TMEM132D: variants seen among roughly 807,000 people sequenced by gnomAD.
The protein encoded by TMEM132D is mature OL transmembrane protein.
Under a neutral mutation model 62.3 loss-of-function variants are expected in TMEM132D, and 21 were observed. That is an observed-to-expected ratio of 0.34 (90% CI 0.24 to 0.49). The LOEUF (loss-of-function observed/expected upper bound fraction) is 0.49, where lower values mean the gene tolerates loss of function less well. TMEM132D is among the 20% of genes least tolerant of loss of function. TMEM132D has a pLI of 0.99. For missense variants in TMEM132D, 1,346 were observed against 1,402.8 expected (o/e 0.96, Z 0.65); for synonymous variants, 621 against 575.6 (o/e 1.08, Z -1.13).
chr12:129,573,671 T>C (rs1016757893), intron 2 of TMEM132D, among the ~76,000 whole-genome samples: 1 of 152,098 alleles, frequency 6.6e-6, no homozygotes, highest in Non-Finnish European at 1.5e-5. Flanking sequence ...TTATTTAGCA[T>C]AGCCTCAAAC....
At chr12:129,269,012 C>A (rs1206793717) in intron 4 of TMEM132D, among the ~76,000 whole-genome samples, 5 of 113,528 alleles carry the variant, frequency 4.4e-5, no homozygotes, top group Non-Finnish European at 5.1e-5. Flanking sequence ...CACACCGGGG[C>A]CTGTTGTGGG....
At chr12:129,387,329 G>C (rs1427150597) in intron 3 of TMEM132D, among the ~76,000 whole-genome samples, 2 of 151,908 alleles carry the variant, frequency 1.3e-5, no homozygotes, top group African/African-American at 4.8e-5. Flanking sequence ...CAATGCCAGT[G>C]CTGACACTAA....
chr12:129,333,929 T>A (rs1869193798), intron 4 of TMEM132D, among the ~76,000 whole-genome samples: 1 of 152,194 alleles, frequency 6.6e-6, no homozygotes, highest in Non-Finnish European at 1.5e-5. Context: ...AAGACCAGCC[T>A]GGCTAACATG....
chr12:129,239,585 A>G (rs1181728014), intron 4 of TMEM132D, among the ~76,000 whole-genome samples: 1 of 152,184 alleles, frequency 6.6e-6, no homozygotes, highest in Non-Finnish European at 1.5e-5. Flanking sequence ...TAATCTAATG[A>G]CTGCTGCCCA....
Position 129,073,998 on chromosome 12 carries a change from G to C in TMEM132D, c.3177C>G (p.Tyr1059Ter), listed in dbSNP as rs201990870. 9 of 1,613,998 alleles carry C rather than the reference G, an allele frequency of 5.6e-6. No individual in the cohort carries two copies. The highest frequency in any genetic ancestry group is 7.6e-6 in the Non-Finnish European group (9 of 1,179,934). ...TFTAVSSDDEYPTRNSIVMSS... is the reference protein window; with the variant it reads ...TFTAVSSDDE ...TCATCACGATGGAGTTCCTGGTGGG[G>C]TACTCGTCGTCTGAGGAGACGGCGG... Residue 1059 changes from tyrosine (Y) to a stop codon, truncating the protein, a stop_gained, in exon 9 of 9, where the codon TAC becomes TAG. Coordinates refer to ENST00000422113, the MANE Select transcript of TMEM132D (RefSeq NM_133448.3). LOFTEE classifies it low-confidence loss of function (END_TRUNC).
intron 1 of TMEM132D, among the ~76,000 whole-genome samples, chr12:129,870,057 T>C (rs1172908297): frequency 1.3e-5 from 2 of 152,206 alleles, no homozygotes; most frequent in African/African-American, 4.8e-5. Context: ...GGTGTGATCA[T>C]GGCTCACTGC....
At chr12:129,711,972 G>A (rs571457899) in intron 1 of TMEM132D, among the ~76,000 whole-genome samples, 1 of 152,004 alleles carries the variant, frequency 6.6e-6, no homozygotes, top group East Asian at 1.9e-4. Context: ...GAGCCCCAGA[G>A]TTGGAAACCA....
chr12:129,449,613 G>C (rs1460604698), intron 3 of TMEM132D, among the ~76,000 whole-genome samples: 1 of 152,118 alleles, frequency 6.6e-6, no homozygotes, highest in Non-Finnish European at 1.5e-5. Context: ...AGATGGTATC[G>C]ACCACCAAAT....
At chr12:129,806,989 G>T (rs1326269698) in intron 1 of TMEM132D, among the ~76,000 whole-genome samples, 2 of 152,128 alleles carry the variant, frequency 1.3e-5, no homozygotes, top group East Asian at 3.9e-4. Context: ...AGCCAAGACT[G>T]CACCACTGCA....
chr12:129,439,528 C>T (rs1872881466), intron 3 of TMEM132D, among the ~76,000 whole-genome samples: 2 of 151,838 alleles, frequency 1.3e-5, no homozygotes, highest in African/African-American at 4.8e-5. Flanking sequence ...CAGCTTGCTA[C>T]AACCTCCCCC....
intron 4 of TMEM132D, among the ~76,000 whole-genome samples, chr12:129,257,214 T>C (rs1446334085): frequency 6.7e-6 from 1 of 149,670 alleles, no homozygotes; most frequent in African/African-American, 2.5e-5. Context: ...CTTTTTTTTT[T>C]TTTTTTTTTT....
chr12:129,452,929 C>A (rs555601019), intron 3 of TMEM132D, among the ~76,000 whole-genome samples: 15 of 152,098 alleles, frequency 9.9e-5, no homozygotes, highest in African/African-American at 3.4e-4. Context: ...GGTCCCCAAC[C>A]CCCGGGGCCA....
At chr12:129,586,829 G>A (rs1013562194) in intron 2 of TMEM132D, among the ~76,000 whole-genome samples, 2 of 152,074 alleles carry the variant, frequency 1.3e-5, no homozygotes, top group African/African-American at 4.8e-5. Flanking sequence ...ACATGATGAA[G>A]GTGGCATTCC....
intron 1 of TMEM132D, among the ~76,000 whole-genome samples, chr12:129,736,507 G>A (rs1869426854): frequency 6.6e-6 from 1 of 152,146 alleles, no homozygotes; most frequent in Admixed American, 6.5e-5. Context: ...GGTAATTCAG[G>A]AGTCACTCAC....
chr12:129,383,513 G>T (rs924513108), intron 3 of TMEM132D, among the ~76,000 whole-genome samples: 1 of 152,166 alleles, frequency 6.6e-6, no homozygotes, highest in Non-Finnish European at 1.5e-5. Context: ...GGAGTGGTGT[G>T]ATCTTGGCTC....
chr12:129,529,064 TTG>T (rs148668186), intron 3 of TMEM132D, among the ~76,000 whole-genome samples: 2 of 151,928 alleles, frequency 1.3e-5, no homozygotes, highest in Admixed American at 6.6e-5. Flanking sequence ...ATATAACATA[TTG>T]TGTGTGTGTG....
At chr12:129,207,219 C>T (rs868786050) in intron 5 of TMEM132D, among the ~76,000 whole-genome samples, 1 of 151,712 alleles carries the variant, frequency 6.6e-6, no homozygotes, top group African/African-American at 2.4e-5. Context: ...CCTCACGGAG[C>T]TTAAGTTCCA....
At chr12:129,562,987 C>T (rs1168859537) in intron 2 of TMEM132D, among the ~76,000 whole-genome samples, 1 of 152,122 alleles carries the variant, frequency 6.6e-6, no homozygotes, top group East Asian at 1.9e-4. Flanking sequence ...TTGATATAAG[C>T]AAGGCCTAAT....
At chr12:129,459,623 G>C (rs1873592845) in intron 3 of TMEM132D, among the ~76,000 whole-genome samples, 1 of 152,184 alleles carries the variant, frequency 6.6e-6, no homozygotes, top group Non-Finnish European at 1.5e-5. Flanking sequence ...TGAATTTTAA[G>C]GGATGTAAAT....
Sources: gnomAD v4.1 joint callset for allele counts (sites outside exome capture counted in the v4.1 genomes callset) on GRCh38, gnomAD v4.1.1 for gene constraint, MANE v1.5 for transcripts, NCBI Gene and HGNC (gene_info 2026-07-23, HGNC 2026-07-21) for gene names.